Variants in ATP13A4 observed in about 807,000 individuals in gnomAD.
The protein encoded by ATP13A4 is ATPase 13A4.
In ATP13A4, 114 loss-of-function variants were observed where a neutral mutation model predicts 142.5. The ratio of observed to expected loss-of-function variants is 0.80; its 90% CI spans 0.69 to 0.93. The LOEUF (loss-of-function observed/expected upper bound fraction) is 0.93, where lower values mean the gene tolerates loss of function less well. ATP13A4 is among the 40% of genes least tolerant of loss of function. The probability of loss-of-function intolerance (pLI) is 0.00; values close to 1 mark genes in which losing one functional copy is unlikely to be tolerated. For synonymous variants in ATP13A4, 488 were observed against 514.8 expected, an observed-to-expected ratio of 0.95 and a Z score of 0.70; for missense variants, 1,392 against 1,454.0, an observed-to-expected ratio of 0.96 and a Z score of 0.69.
At chr3:193,416,150 A>C (rs1048797837) in intron 25 of ATP13A4, among the ~76,000 whole-genome samples, 1 of 152,220 alleles carries the variant, frequency 6.6e-6, no homozygotes, top group Non-Finnish European at 1.5e-5. Flanking sequence ...GACATATGCG[A>C]TCTCACATGA....
chr3:193,518,489 A>G (rs1168150301), intron 1 of ATP13A4, among the ~76,000 whole-genome samples: 1 of 152,224 alleles, frequency 6.6e-6, no homozygotes, highest in African/African-American at 2.4e-5. Context: ...ATGATTTAGT[A>G]CAGTGGCTGC....
At chr3:193,437,572 A>C (rs1428398494) in intron 23 of ATP13A4, among the ~76,000 whole-genome samples, 2 of 152,140 alleles carry the variant, frequency 1.3e-5, no homozygotes, top group Non-Finnish European at 2.9e-5. Flanking sequence ...ACATCAATTA[A>C]ATTTTCTGAA....
chr3:193,514,672 A>G (rs2108685225), intron 2 of ATP13A4, 26 bp downstream of exon 2: 1 of 1,594,126 alleles, frequency 6.3e-7, no homozygotes, highest in Non-Finnish European at 8.5e-7. Flanking sequence ...GGGGGGCACC[A>G]GCGACATAAC....
In ATP13A4 at chr3:193,464,940, C is replaced by T; in HGVS notation, c.1461G>A (p.Lys487=). Residue 487 remains lysine (K), a splice_region_variant and synonymous_variant, in exon 12 of 30, where the codon AAG becomes AAA. Coordinates refer to ENST00000342695, the MANE Select transcript of ATP13A4 (RefSeq NM_032279.4). The part of the protein sequence containing the change: ...CGQLNLVCFD[K]TGTLTRDGLD... ...AAGAATAAGGATGAAACACACATAC[C>T]TTGTCAAAGCAGACAAGGTTTAACT... The T allele has an allele frequency of 6.2e-7, 1 of 1,613,550 alleles. No individual in the cohort carries two copies. Among genetic ancestry groups the T allele is most frequent in the Non-Finnish European group, 8.5e-7 (1 of 1,179,648 alleles).
At position 193,546,311 on chromosome 3, in the gene ATP13A4, C is replaced by T. The variant is rs1257407093; in HGVS notation, c.60+8429G>A. Reference sequence around the variant, plus strand: ...CTCATTCCTCATGATTTCCTTACCACTCCCTAATTCCTGTTTACCCAATGT... The same window carrying T: ...CTCATTCCTCATGATTTCCTTACCATTCCCTAATTCCTGTTTACCCAATGT... On this transcript the variant is annotated intron_variant, in intron 1 of 29. Transcript: ENST00000342695. Among the ~76,000 whole-genome samples the T allele has an allele frequency of 2.6e-5, 4 of 152,126 alleles. No individual in the cohort carries two copies. The East Asian group carries it at 5.8e-4, about 22-fold the overall frequency.
At chr3:193,541,323 T>G (rs949576101) in intron 1 of ATP13A4, among the ~76,000 whole-genome samples, 1 of 146,902 alleles carries the variant, frequency 6.8e-6, no homozygotes, top group Non-Finnish European at 1.5e-5. Flanking sequence ...TGCTCACAGA[T>G]TATTTTACAA....
intron 15 of ATP13A4, 35 bp from the exon 16 acceptor site, chr3:193,457,188 T>C (rs1345901663): frequency 6.2e-7 from 1 of 1,611,574 alleles, no homozygotes; most frequent in East Asian, 2.2e-5. Context: ...AGGAACATGC[T>C]GATACAGCTT....
chr3:193,538,716 A>G (rs1458657585), intron 1 of ATP13A4, among the ~76,000 whole-genome samples: 2 of 151,974 alleles, frequency 1.3e-5, no homozygotes, highest in African/African-American at 4.8e-5. Context: ...TAATAATATG[A>G]GACCAAAAAG....
At chr3:193,529,079 A>G (rs368997957) in intron 1 of ATP13A4, among the ~76,000 whole-genome samples, 6 of 152,112 alleles carry the variant, frequency 3.9e-5, no homozygotes, top group East Asian at 1.9e-4. Flanking sequence ...AGACCATCCT[A>G]GCTAACATGG....
chr3:193,413,035 AACG>A (rs1714853058), intron 26 of ATP13A4, among the ~76,000 whole-genome samples: 1 of 152,168 alleles, frequency 6.6e-6, no homozygotes, highest in African/African-American at 2.4e-5. Flanking sequence ...TAACAGCAAC[AACG>A]ACAACTGTTG....
rs1193579549 is a variant in ATP13A4, at chr3:193,399,162, C to T, written c.*3490G>A. 1.3e-5 allele frequency among the ~76,000 whole-genome samples: 2 copies of T among 152,006 alleles called. No homozygotes were observed. The highest frequency in any genetic ancestry group is 2.9e-5 in the Non-Finnish European group (2 of 68,012). ...GTTCTCTGTGGGTAAGAGCTAGATG[C>T]CTTGAGATGAACATACAGGGCACCG... On this transcript the variant is annotated 3_prime_UTR_variant, in exon 30 of 30. Transcript: ENST00000342695.
At chr3:193,408,985 T>A (rs1714640151) in intron 28 of ATP13A4, among the ~76,000 whole-genome samples, 1 of 152,172 alleles carries the variant, frequency 6.6e-6, no homozygotes, top group Admixed American at 6.5e-5. Flanking sequence ...TGTAAAAATG[T>A]GGAAGAAGAA....
At position 193,457,367 on chromosome 3, in the gene ATP13A4, AG is replaced by A. The variant is rs1469535886; in HGVS notation, c.1761+11del. On this transcript the variant is annotated intron_variant, in intron 15 of 29. Transcript: ENST00000342695. ...TTTGGGTGTTGTGGGGTGAAGAGCAAGCAGGGCTTACCTGGCTGGCTGTTCT... is the reference window on the plus strand; with the variant it reads ...TTTGGGTGTTGTGGGGTGAAGAGCAACAGGGCTTACCTGGCTGGCTGTTCT... 1 of 1,613,918 alleles carries A rather than the reference AG, an allele frequency of 6.2e-7. No homozygotes were observed. Among genetic ancestry groups the A allele is most frequent in the East Asian group, 2.2e-5 (1 of 44,884 alleles).
At chr3:193,485,422 C>G (rs571847643) in intron 7 of ATP13A4, among the ~76,000 whole-genome samples, 2 of 152,252 alleles carry the variant, frequency 1.3e-5, no homozygotes, top group East Asian at 3.9e-4. Flanking sequence ...CAGGTATACC[C>G]TTTTCATAAT....
intron 29 of ATP13A4, 102 bp from the exon 30 acceptor site, chr3:193,402,966 A>G: frequency 9.5e-7 from 1 of 1,057,704 alleles, no homozygotes; most frequent in Non-Finnish European, 1.4e-6. Context: ...GGTTGCTTAG[A>G]TCCAGCTTGA....
chr3:193,428,915 A>C (rs1235406196), intron 25 of ATP13A4, among the ~76,000 whole-genome samples: 1 of 152,068 alleles, frequency 6.6e-6, no homozygotes, highest in Non-Finnish European at 1.5e-5. Flanking sequence ...CGTTGTGCAC[A>C]TGTACCCTAG....
At chr3:193,495,569 T>C (rs1041873449) in intron 3 of ATP13A4, among the ~76,000 whole-genome samples, 3 of 152,000 alleles carry the variant, frequency 2.0e-5, no homozygotes, top group African/African-American at 7.2e-5. Context: ...AAAATAGATA[T>C]AGAAGGAACA....
At chr3:193,547,985 A>G (rs1287350352) in intron 1 of ATP13A4, among the ~76,000 whole-genome samples, 1 of 152,210 alleles carries the variant, frequency 6.6e-6, no homozygotes. Context: ...ACTCCTGGCA[A>G]AAAGTAGAGG....
At chr3:193,514,330 C>A (rs908096500) in intron 2 of ATP13A4, among the ~76,000 whole-genome samples, 1 of 152,076 alleles carries the variant, frequency 6.6e-6, no homozygotes, top group Non-Finnish European at 1.5e-5. Context: ...TGACAACATG[C>A]GGTATTTGAT....
Sources: allele counts gnomAD v4.1 joint callset (sites outside exome capture counted in the v4.1 genomes callset), GRCh38; gene constraint gnomAD v4.1.1; transcripts MANE v1.5; gene names NCBI Gene and HGNC (gene_info 2026-07-23, HGNC 2026-07-21).